The following SCNN1D variants were observed in gnomAD, a reference collection of about 807,000 sequenced individuals.
SCNN1D encodes sodium channel epithelial 1 subunit delta, also known as epithelial sodium channel subunit delta.
A neutral mutation model predicts 87.8 loss-of-function variants in SCNN1D; 104 were observed. The observed-to-expected ratio is 1.18, with a 90% CI of 1.01 to 1.39. The LOEUF (loss-of-function observed/expected upper bound fraction) is 1.39, where lower values mean the gene tolerates loss of function less well. SCNN1D is among the 40% of genes most tolerant of loss of function. The pLI is 0.00. For missense variants in SCNN1D, 1,324 were observed against 1,093.9 expected, an observed-to-expected ratio of 1.21 and a Z score of -2.97; for synonymous variants, 628 against 481.2, an observed-to-expected ratio of 1.31 and a Z score of -3.99.
rs1238404827 is a variant in SCNN1D, at chr1:1,288,098, G to T, written c.1662+61G>T. 5 of 1,198,672 alleles carry T rather than the reference G, an allele frequency of 4.2e-6. 1 individual carries two copies. The highest frequency in any genetic ancestry group is 5.8e-6 in the Non-Finnish European group (5 of 863,304). 74.3% of individuals were successfully genotyped at this position (1,198,672 alleles called of 1,614,324 possible). ...GAGGCTGGGCTGGCCAGGGGGTGTG[G>T]GCGGGTGGAACGGGGGAGGGGTCTG... On this transcript the variant is annotated intron_variant, in intron 12 of 17. Transcript: ENST00000379116.
Position 1,286,983 on chromosome 1 carries a change from TC to T in SCNN1D, c.1119+11del. ...AGAGTGGGGTTCAGACTGGTGAGTG[TC>T]CCAGCCGGGGCCTGCAGCCATCAGG... On this transcript the variant is annotated intron_variant, in intron 8 of 17. Coordinates refer to ENST00000379116, the MANE Select transcript of SCNN1D (RefSeq NM_001130413.4). 6.2e-7 allele frequency: 1 copy of T among 1,609,198 alleles called. No homozygotes were observed.
Position 1,286,886 on chromosome 1 carries a change from CG to C in SCNN1D, c.1031del (p.Arg344ProfsTer17), listed in dbSNP as rs1326165103. On this transcript the variant is annotated frameshift_variant, in exon 8 of 18. Coordinates refer to ENST00000379116, the MANE Select transcript of SCNN1D (RefSeq NM_001130413.4). LOFTEE classifies it high-confidence loss of function. ...GRAALSATVP[R>X]HEPPFHLDRE... ...AGCCGCCCTCTCCGCCACTGTCCCC[CG>C]CCACGAGCCCCCCTTCCACCTGGAC... 1.9e-6 allele frequency: 3 copies of C among 1,612,444 alleles called. No individual in the cohort carries two copies. The highest frequency in any genetic ancestry group is 1.3e-5 in the African/African-American group (1 of 74,890).
chr1:1,284,377 G>C (rs1369896459), intron 5 of SCNN1D, among the ~76,000 whole-genome samples: 42 of 148,134 alleles, frequency 2.8e-4, no homozygotes, highest in Non-Finnish European at 5.4e-4. Flanking sequence ...GGCTGGGTTG[G>C]GGGGTCTCTT....
rs1640824089 is a variant in SCNN1D, at chr1:1,291,669, C to G, written c.*59C>G. 2.2e-6 allele frequency: 3 copies of G among 1,342,034 alleles called. No individual in the cohort carries two copies. The highest frequency in any genetic ancestry group is 3.0e-6 in the Non-Finnish European group (3 of 996,972). The allele number at this position is 1,342,034 out of a possible 1,614,324, so 83.1% of individuals were successfully genotyped here. A position where few individuals can be genotyped will look rare whatever the true frequency, so the allele number is the denominator to read the frequency against. On this transcript the variant is annotated 3_prime_UTR_variant, in exon 18 of 18. Coordinates refer to ENST00000379116, the MANE Select transcript of SCNN1D (RefSeq NM_001130413.4). ...CTGGTCCTTGCAGCTGTGGCAGCAG[C>G]AGGCTCCCCAGCGGCCCAGGGTGGG... is the stretch of plus-strand genomic sequence containing the variant.
chr1:1,281,318 G>A (rs1045698393), intron 2 of SCNN1D, 21 bp downstream of exon 2: 24 of 1,535,560 alleles, frequency 1.6e-5, no homozygotes, highest in Middle Eastern at 1.7e-4. Flanking sequence ...AGCCATGCTC[G>A]GTCAATGGGG....
Position 1,287,118 on chromosome 1 carries a change from A to G in SCNN1D, c.1129A>G (p.Thr377Ala). 3 of 1,594,196 alleles carry G rather than the reference A, an allele frequency of 1.9e-6. No homozygotes were observed. Among genetic ancestry groups the G allele is most frequent in the South Asian group, 1.1e-5 (1 of 89,774 alleles). Residue 377 changes from threonine (T) to alanine (A), a missense_variant, in exon 9 of 18, where the codon ACG becomes GCG. Physicochemically the swap from Thr to Ala is moderately conservative, Grantham distance 58. Transcript: ENST00000379116. ...VRVGFRLCNS[T>A]GGDCFYRGYT... is the part of the protein sequence containing the mutation. Reference sequence around the variant, plus strand: ...CCCTCCCCTCTCCCAGTGCAACAGCACGGGCGGCGACTGCTTTTACCGAGG... The same window carrying G: ...CCCTCCCCTCTCCCAGTGCAACAGCGCGGGCGGCGACTGCTTTTACCGAGG...
At position 1,286,077 on chromosome 1, in the gene SCNN1D, TC is replaced by T. The variant is rs1484309675; in HGVS notation, c.712del (p.Arg238AlafsTer123). The T allele has an allele frequency of 1.2e-6, 2 of 1,604,484 alleles. No homozygotes were observed. The highest frequency in any genetic ancestry group is 3.4e-5 in the Admixed American group (2 of 58,876). ...ACCAATGCCACCATCCACGGCGCCA[TC>T]CGCCTGGTCTGCTCCCGCGGGAACC... The part of the protein sequence containing the change: ...FCTNATIHGA[I>X]RLVCSRGNRL... On this transcript the variant is annotated frameshift_variant, in exon 7 of 18. Transcript: ENST00000379116. LOFTEE classifies it high-confidence loss of function.
chr1:1,287,161 C>G lies in SCNN1D; in HGVS notation c.1172C>G (p.Ala391Gly). 6.2e-7 allele frequency: 1 copy of G among 1,608,652 alleles called. No homozygotes were observed. ...CFYRGYTSGV[A>G]AVQDWYHFHY... Reference sequence around the variant, plus strand: ...TACCGAGGCTACACGTCAGGCGTGGCGGCTGTCCAGGACTGGTACCACTTC... The same window carrying G: ...TACCGAGGCTACACGTCAGGCGTGGGGGCTGTCCAGGACTGGTACCACTTC... The change falls in exon 9 of 18, where the codon GCG becomes GGG. Residue 391 changes from alanine (A) to glycine (G), a missense_variant. Transcript: ENST00000379116.
In SCNN1D at chr1:1,287,180, C is replaced by G. The variant is rs542767253; in HGVS notation, c.1191C>G (p.Tyr397Ter). 2 of 1,612,246 alleles carry G rather than the reference C, an allele frequency of 1.2e-6. No homozygotes were observed. Among genetic ancestry groups the G allele is most frequent in the African/African-American group, 1.3e-5 (1 of 75,040 alleles). ...TSGVAAVQDW[Y>*]HFHYVDILAL... ...GCGTGGCGGCTGTCCAGGACTGGTA[C>G]CACTTCCACTATGTGGATATCCTGG... The change falls in exon 9 of 18, where the codon TAC becomes TAG. Residue 397 changes from tyrosine to a stop codon, truncating the protein, a stop_gained. Coordinates refer to ENST00000379116, the MANE Select transcript of SCNN1D (RefSeq NM_001130413.4). LOFTEE classifies it high-confidence loss of function.
intron 12 of SCNN1D, among the ~76,000 whole-genome samples, 163 bp downstream of exon 12, chr1:1,288,200 TCCCTGTGTCTCTGCTCCG>T (rs1640652559): frequency 6.8e-6 from 1 of 146,730 alleles, no homozygotes; most frequent in Non-Finnish European, 1.5e-5. Flanking sequence ...CCCGCTCCAT[TCCCTGTGTCTCTGCTCCG>T]TCCCGTGTCT....
intron 5 of SCNN1D, among the ~76,000 whole-genome samples, chr1:1,284,830 G>A (rs759244677): frequency 7.2e-5 from 11 of 152,090 alleles, no homozygotes; most frequent in African/African-American, 9.7e-5. Flanking sequence ...GGTGGGGTCC[G>A]GCTCCTCTCT....
In SCNN1D at chr1:1,287,605, C is replaced by A; in HGVS notation, c.1399+9C>A. On this transcript the variant is annotated intron_variant, in intron 10 of 17. Transcript: ENST00000379116. ...CCCCGGCATCACCCACGGTGGGTGC[C>A]AGCCCCTGGCCGGTGCGGGGGCAGG... The A allele has an allele frequency of 6.2e-7, 1 of 1,606,328 alleles. No individual in the cohort carries two copies. Among genetic ancestry groups the A allele is most frequent in the African/African-American group, 1.3e-5 (1 of 74,922 alleles).
At chr1:1,286,341 T>C in intron 7 of SCNN1D, 63 bp downstream of exon 7, 3 of 1,327,376 alleles carry the variant, frequency 2.3e-6, no homozygotes, top group Non-Finnish European at 3.1e-6. Context: ...TGTGACCGTC[T>C]CTAACCGAAG....
At position 1,287,197 on chromosome 1, in the gene SCNN1D, A is replaced by G. The variant is rs1346603434; in HGVS notation, c.1208A>G (p.Asp403Gly). 2 of 1,612,258 alleles carry G rather than the reference A, an allele frequency of 1.2e-6. No individual in the cohort carries two copies. Among genetic ancestry groups the G allele is most frequent in the South Asian group, 1.1e-5 (1 of 91,056 alleles). The change falls in exon 9 of 18, where the codon GAT (aspartate) becomes GGT (glycine). Residue 403 changes from aspartate to glycine, a missense_variant. Coordinates refer to ENST00000379116, the MANE Select transcript of SCNN1D (RefSeq NM_001130413.4). ...GACTGGTACCACTTCCACTATGTGG[A>G]TATCCTGGCCCTGCTGCCCGCGGCA... is the stretch of plus-strand genomic sequence containing the variant. ...VQDWYHFHYVDILALLPAAWE... is the reference protein window; with the variant it reads ...VQDWYHFHYVGILALLPAAWE...
At chr1:1,285,816 C>G (rs915802235) in intron 6 of SCNN1D, 110 bp from the exon 7 acceptor site, 1 of 1,260,730 alleles carries the variant, frequency 7.9e-7, no homozygotes. Context: ...CTTGTCCGAG[C>G]GACCGAGCAG....
Position 1,287,800 on chromosome 1 carries a change from C to T in SCNN1D, c.1527C>T (p.Val509=). The change falls in exon 11 of 18, where the codon GTC becomes GTT. Residue 509 remains valine (V), a synonymous_variant. Coordinates refer to ENST00000379116, the MANE Select transcript of SCNN1D (RefSeq NM_001130413.4). ...TCCTGGGGCACCACAGCTTCAGCGT[C>T]CGGCCAGGGACGGAGGCCACCATCA... ...TPFLGHHSFS[V]RPGTEATISI... is the part of the protein sequence containing the mutation. 1.3e-6 allele frequency: 2 copies of T among 1,581,948 alleles called. No homozygotes were observed. Among genetic ancestry groups the T allele is most frequent in the Non-Finnish European group, 1.7e-6 (2 of 1,164,428 alleles).
Position 1,286,004 on chromosome 1 carries a change from C to G in SCNN1D, c.637C>G (p.Leu213Val). The G allele has an allele frequency of 6.4e-7, 1 of 1,561,334 alleles. No homozygotes were observed. The highest frequency in any genetic ancestry group is 8.7e-7 in the Non-Finnish European group (1 of 1,152,464). The change falls in exon 7 of 18, where the codon CTG (leucine) becomes GTG (valine). Residue 213 changes from leucine to valine, a missense_variant. By Grantham distance (32) the Leu-to-Val change is conservative (BLOSUM62 1). Transcript: ENST00000379116. The stretch of plus-strand genomic sequence containing the variant: ...ACCCAAGGAGGGGCACCAGGAGGGG[C>G]TGGTGGAGCTGCCCGCCTCGTTCCG... ...PPPKEGHQEGLVELPASFREL... is the reference protein window; with the variant it reads ...PPPKEGHQEGVVELPASFREL...
At chr1:1,283,953 C>A in intron 4 of SCNN1D, 25 bp from the exon 5 acceptor site, 2 of 1,396,086 alleles carry the variant, frequency 1.4e-6, no homozygotes, top group East Asian at 3.1e-5. Flanking sequence ...CACAGTCCCA[C>A]GCCCAGCCAG....
chr1:1,281,263 T>A lies in SCNN1D; in HGVS notation c.43T>A (p.Tyr15Asn). ...ACAGAAGACAACACCGCTCCCTCGT[T>A]ACCTGTGGCCCGGCCACCTCAGCGG... ...LSQKTTPLPR[Y>N]LWPGHLSGPR... Residue 15 changes from tyrosine to asparagine, a missense_variant, in exon 2 of 18, where the codon TAC (tyrosine) becomes AAC (asparagine). Tyr to Asn is a moderately radical substitution (Grantham distance 143). Transcript: ENST00000379116. 6.5e-7 allele frequency: 1 copy of A among 1,535,762 alleles called. No homozygotes were observed.
Sources: allele counts gnomAD v4.1 joint callset (sites outside exome capture counted in the v4.1 genomes callset), GRCh38; gene constraint gnomAD v4.1.1; transcripts MANE v1.5; gene names NCBI Gene and HGNC (gene_info 2026-07-23, HGNC 2026-07-21).